ABL2: variants seen among roughly 807,000 people sequenced by gnomAD.
The protein encoded by ABL2 is ABL proto-oncogene 2, non-receptor tyrosine kinase.
ABL2 carries 49 observed loss-of-function variants against 107.7 expected under a neutral mutation model. The ratio of observed to expected loss-of-function variants is 0.45; its 90% CI spans 0.36 to 0.58. ABL2 has a LOEUF of 0.58. ABL2 is among the 20% of genes least tolerant of loss of function. The pLI is 0.00. For missense variants in ABL2, 1,245 were observed against 1,457.0 expected (o/e 0.85, Z 2.37); for synonymous variants, 549 against 548.6 (o/e 1.00, Z -0.01).
chr1:179,152,617 T>C (rs981426715), intron 1 of ABL2, among the ~76,000 whole-genome samples: 24 of 152,220 alleles, frequency 1.6e-4, no homozygotes, highest in African/African-American at 5.8e-4. Context: ...GTGGGCCAAA[T>C]GACATGTTCT....
chr1:179,229,481 C>T lies in ABL2; in HGVS notation c.-84G>A, dbSNP rs1240087852. 1.0e-5 allele frequency: 14 copies of T among 1,353,186 alleles called. No individual in the cohort carries two copies. Among genetic ancestry groups the T allele is most frequent in the Middle Eastern group, 2.7e-4 (1 of 3,692 alleles). The allele number at this position is 1,353,186 out of a possible 1,614,324, so 83.8% of individuals were successfully genotyped here. A position where few individuals can be genotyped will look rare whatever the true frequency, so the allele number is the denominator to read the frequency against. On this transcript the variant is annotated 5_prime_UTR_variant, in exon 1 of 12. Transcript: ENST00000502732. Reference sequence around the variant, plus strand: ...CCGGCCTCGGGCTCCTGGCGCTGCTCCGGTCTCTCCCTCCCAGCCCAGGCC... The same window carrying T: ...CCGGCCTCGGGCTCCTGGCGCTGCTTCGGTCTCTCCCTCCCAGCCCAGGCC...
intron 1 of ABL2, among the ~76,000 whole-genome samples, chr1:179,211,247 C>G (rs2636272): frequency 0.44 from 66,959 of 151,950 alleles, 14,980 homozygotes; most frequent in Admixed American, 0.51. Context: ...GCTGGACCTG[C>G]TGGCTCACAT....
At chr1:179,178,598 T>G (rs58374462) in intron 1 of ABL2, among the ~76,000 whole-genome samples, 3,135 of 151,670 alleles carry the variant, frequency 0.021, 92 homozygotes, top group African/African-American at 0.072. Flanking sequence ...CTTTAAAAAG[T>G]AAGAACATCG....
Position 179,102,051 on chromosome 1 carries a change from A to C in ABL2, c.*5667T>G, listed in dbSNP as rs199965966. ...TTTTTTGAGACGGAGTCTCACTGTC[A>C]CCCAGGCTGGAGTGCAGTGGCGCGA... is the stretch of plus-strand genomic sequence containing the variant. On this transcript the variant is annotated 3_prime_UTR_variant, in exon 12 of 12. Transcript: ENST00000502732. 9.0e-6 allele frequency: 1 copy of C among 110,608 alleles called. No individual in the cohort carries two copies. 6.9% of individuals were successfully genotyped at this position (110,608 alleles called of 1,614,324 possible).
At chr1:179,123,181 T>C (rs1038535201) in intron 4 of ABL2, among the ~76,000 whole-genome samples, 6 of 152,156 alleles carry the variant, frequency 3.9e-5, no homozygotes, top group South Asian at 2.1e-4. Context: ...TGACGTGCAG[T>C]TGAGTGTCTA....
Position 179,107,754 on chromosome 1 carries a change from T to C in ABL2, c.3513A>G (p.Ser1171=). The C allele has an allele frequency of 4.3e-6, 7 of 1,613,890 alleles. No homozygotes were observed. The Middle Eastern group carries it at 6.6e-4, about 152-fold the overall frequency. Residue 1171 remains serine, a synonymous_variant, in exon 12 of 12, where the codon TCA becomes TCG. Transcript: ENST00000502732. ...GTNPVLNNLL[S]CVQEISDVVQ... is the part of the protein sequence containing the mutation. ...CCACATCACTGATTTCCTGTACACA[T>C]GACAATAAGTTATTAAGGACAGGGT...
chr1:179,127,713 T>C (rs375064558), intron 3 of ABL2, among the ~76,000 whole-genome samples: 2 of 152,092 alleles, frequency 1.3e-5, no homozygotes, highest in Non-Finnish European at 2.9e-5. Context: ...TGTCAAAAAG[T>C]AGAAGGAAGC....
intron 1 of ABL2, among the ~76,000 whole-genome samples, chr1:179,220,049 AG>A (rs2124855901): frequency 6.6e-6 from 1 of 152,374 alleles, no homozygotes; most frequent in South Asian, 2.1e-4. Flanking sequence ...TCAGACACAA[AG>A]CAAGATTTAT....
At chr1:179,188,399 T>G (rs1357217331) in intron 1 of ABL2, among the ~76,000 whole-genome samples, 1 of 150,180 alleles carries the variant, frequency 6.7e-6, no homozygotes, top group Non-Finnish European at 1.5e-5. Context: ...AAAAAAAAAA[T>G]AGCGGGACGT....
chr1:179,114,305 G>A (rs185137209), intron 9 of ABL2, among the ~76,000 whole-genome samples: 1 of 152,014 alleles, frequency 6.6e-6, no homozygotes. Context: ...GCTACTGAGG[G>A]GCTGAGGCAT....
At chr1:179,229,103 G>T in intron 1 of ABL2, 138 bp downstream of exon 1, 3 of 1,124,856 alleles carry the variant, frequency 2.7e-6, no homozygotes, top group Non-Finnish European at 3.7e-6. Flanking sequence ...GACTGGACCA[G>T]ATGGCAGCGG....
rs28914472 is a variant in ABL2 at position 179,184,819 on chromosome 1, C to T, written c.157+44422G>A. Among the ~76,000 whole-genome samples, 463 of 152,228 alleles carry T rather than the reference C, an allele frequency of 3.0e-3. 3 individuals carry two copies. Among genetic ancestry groups the T allele is most frequent in the African/African-American group, 0.011 (452 of 41,544 alleles). ...CTGTTCTTGAGGTCTCTTTTCTATA[C>T]ACCATGATTCTCAACTTATTTGGGA... On this transcript the variant is annotated intron_variant, in intron 1 of 11. Transcript: ENST00000502732.
intron 1 of ABL2, chr1:179,221,519 A>T (rs1411028679): frequency 1.3e-5 from 2 of 152,528 alleles, no homozygotes; most frequent in African/African-American, 4.8e-5. Context: ...TGAGCCCAGG[A>T]GGTGGAGGCT....
rs372297330 is a variant in ABL2, at chr1:179,110,838, T to G, written c.1652-383A>C. On this transcript the variant is annotated intron_variant, in intron 10 of 11. Transcript: ENST00000502732. The stretch of plus-strand genomic sequence containing the variant: ...TTATGCACGTCTGATTGGCACAATG[T>G]AGGAGAACTGGTGGATCACAGGGTA... 1.9e-6 allele frequency: 3 copies of G among 1,613,936 alleles called. No homozygotes were observed. The African/African-American group carries it at 4.0e-5, about 22-fold the overall frequency.
At chr1:179,220,268 A>T (rs978388446) in intron 1 of ABL2, among the ~76,000 whole-genome samples, 13 of 152,266 alleles carry the variant, frequency 8.5e-5, no homozygotes, top group African/African-American at 3.1e-4. Flanking sequence ...GTCAAGTGAG[A>T]TGAAAGACAT....
At chr1:179,166,680 G>A (rs958167158) in intron 1 of ABL2, among the ~76,000 whole-genome samples, 3 of 151,708 alleles carry the variant, frequency 2.0e-5, no homozygotes, top group African/African-American at 7.3e-5. Context: ...TGGAGGCTGA[G>A]GGAGGAGAAT....
At chr1:179,219,253 G>A (rs899550863) in intron 1 of ABL2, among the ~76,000 whole-genome samples, 2 of 152,080 alleles carry the variant, frequency 1.3e-5, no homozygotes. Flanking sequence ...ACGTTGCCTA[G>A]GCTGGTCTTG....
intron 1 of ABL2, among the ~76,000 whole-genome samples, chr1:179,225,615 G>A (rs1000789956): frequency 4.6e-5 from 7 of 152,106 alleles, no homozygotes; most frequent in African/African-American, 1.4e-4. Context: ...AACAAGTAAG[G>A]GGCAAAAAGA....
chr1:179,131,420 C>T lies in ABL2; in HGVS notation c.282G>A (p.Arg94=), dbSNP rs1261669947. The change falls in exon 3 of 12, where the codon AGG becomes AGA. Residue 94 remains arginine (R), a synonymous_variant. Transcript: ENST00000502732. ...VEPQALNEAI[R]WSSKENLLGA... ...CGAGCAAGTTCTCCTTGGAGCTCCACCTGATAGCCTCATTTAGTGCCTGGG... is the reference window on the plus strand; with the variant it reads ...CGAGCAAGTTCTCCTTGGAGCTCCATCTGATAGCCTCATTTAGTGCCTGGG... The T allele has an allele frequency of 3.1e-6, 5 of 1,613,968 alleles. No homozygotes were observed. The highest frequency in any genetic ancestry group is 1.3e-5 in the African/African-American group (1 of 74,918).
Sources: gnomAD v4.1 joint callset for allele counts (sites outside exome capture counted in the v4.1 genomes callset) on GRCh38, gnomAD v4.1.1 for gene constraint, MANE v1.5 for transcripts, NCBI Gene and HGNC (gene_info 2026-07-23, HGNC 2026-07-21) for gene names.